VAMP8: variants seen among roughly 807,000 people sequenced by gnomAD.
The protein encoded by VAMP8 is vesicle associated membrane protein 8.
VAMP8 carries 9 observed loss-of-function variants against 11.4 expected under a neutral mutation model. That is an observed-to-expected ratio of 0.79 (90% CI 0.48 to 1.38). VAMP8 has a LOEUF of 1.38. Among genes scored for constraint, VAMP8 ranks in the 40% most tolerant of loss-of-function variants. VAMP8 has a pLI of 0.00. For synonymous variants in VAMP8, 42 were observed against 44.7 expected, an observed-to-expected ratio of 0.94 and a Z score of 0.24; for missense variants, 108 against 127.8, an observed-to-expected ratio of 0.85 and a Z score of 0.75.
intron 2 of VAMP8, among the ~76,000 whole-genome samples, chr2:85,580,310 G>A (rs151259319): frequency 2.0e-5 from 3 of 152,232 alleles, no homozygotes; most frequent in East Asian, 3.9e-4. Context: ...AAGAGTGGGT[G>A]GAGGAGGAGG....
In VAMP8 at chr2:85,581,589, AGAC is replaced by A; in HGVS notation, c.180_182del (p.Thr61del). On this transcript the variant is annotated inframe_deletion, in exon 3 of 3. Transcript: ENST00000263864. ...TTTCCCCAACAGTCTGAGCACTTCA[AGAC>A]GACATCGCAGAAGGTGGCTCGAAAA... The A allele has an allele frequency of 1.2e-6, 2 of 1,614,178 alleles. No individual in the cohort carries two copies. Among genetic ancestry groups the A allele is most frequent in the Non-Finnish European group, 1.7e-6 (2 of 1,180,036 alleles).
In VAMP8 at chr2:85,581,802, C is replaced by A. The variant is rs1672384058; in HGVS notation, c.*86C>A. ...CCAAGAGGGTCTCCTTTCCTGTCTT[C>A]CTCTACAGAGAATGCTGCTCGGTCC... is the stretch of plus-strand genomic sequence containing the variant. On this transcript the variant is annotated 3_prime_UTR_variant, in exon 3 of 3. Transcript: ENST00000263864. 14 of 1,560,564 alleles carry A rather than the reference C, an allele frequency of 9.0e-6. No homozygotes were observed. Among genetic ancestry groups the A allele is most frequent in the Non-Finnish European group, 1.0e-5 (12 of 1,144,270 alleles).
Position 85,579,102 on chromosome 2 carries a change from C to A in VAMP8, c.97C>A (p.Arg33=). The A allele has an allele frequency of 6.2e-7, 1 of 1,608,434 alleles. No homozygotes were observed. ...GAATATTATGACCCAGAATGTGGAG[C>A]GGATCCTGGCCCGGGGGGAAAACTT... The part of the protein sequence containing the change: ...VKNIMTQNVE[R]ILARGENLEH... Residue 33 remains arginine, a synonymous_variant, in exon 2 of 3, where the codon CGG becomes AGG. Transcript: ENST00000263864.
chr2:85,579,084 A>G lies in VAMP8; in HGVS notation c.79A>G (p.Met27Val). The G allele has an allele frequency of 6.2e-7, 1 of 1,608,344 alleles. No homozygotes were observed. The highest frequency in any genetic ancestry group is 1.3e-5 in the African/African-American group (1 of 74,882). ...TGAGGTGGAGGGAGTTAAGAATATTATGACCCAGAATGTGGAGCGGATCCT... is the reference window on the plus strand; with the variant it reads ...TGAGGTGGAGGGAGTTAAGAATATTGTGACCCAGAATGTGGAGCGGATCCT... ...QSEVEGVKNI[M>V]TQNVERILAR... Residue 27 changes from methionine to valine, a missense_variant, in exon 2 of 3, where the codon ATG becomes GTG. Coordinates refer to ENST00000263864, the MANE Select transcript of VAMP8 (RefSeq NM_003761.5).
At chr2:85,579,995 G>A (rs1391111093) in intron 2 of VAMP8, 7 of 1,404,084 alleles carry the variant, frequency 5.0e-6, no homozygotes, top group Non-Finnish European at 2.8e-6. Flanking sequence ...TCACTCTGTT[G>A]CCCAGGTTAG....
chr2:85,582,005 G>T lies in VAMP8; in HGVS notation c.*289G>T. ...GCTGGGAAACTGTTGGTGGCCAGTG[G>T]GTAATAAAGACCTTTCAGTATCCCT... On this transcript the variant is annotated 3_prime_UTR_variant, in exon 3 of 3. Coordinates refer to ENST00000263864, the MANE Select transcript of VAMP8 (RefSeq NM_003761.5). 2.5e-6 allele frequency: 1 copy of T among 399,612 alleles called. No individual in the cohort carries two copies. The highest frequency in any genetic ancestry group is 2.0e-5 in the African/African-American group (1 of 49,186). 24.8% of individuals were successfully genotyped at this position (399,612 alleles called of 1,614,324 possible).
chr2:85,579,260 T>G, intron 2 of VAMP8, 93 bp downstream of exon 2: 1 of 1,385,686 alleles, frequency 7.2e-7, no homozygotes, highest in Non-Finnish European at 9.6e-7. Flanking sequence ...GCCAGAAGTT[T>G]GACATTTCTG....
intron 2 of VAMP8, chr2:85,579,643 G>A (rs1573345753): frequency 1.4e-6 from 2 of 1,472,848 alleles, no homozygotes; most frequent in Admixed American, 4.9e-5. Flanking sequence ...AAGGGGGAAA[G>A]AGCAGTGAAA....
Position 85,581,868 on chromosome 2 carries a change from C to A in VAMP8, c.*152C>A. 2.0e-6 allele frequency: 2 copies of A among 1,016,958 alleles called. No homozygotes were observed. Among genetic ancestry groups the A allele is most frequent in the Non-Finnish European group, 2.9e-6 (2 of 693,138 alleles). The allele number at this position is 1,016,958 out of a possible 1,614,324, so 63.0% of individuals were successfully genotyped here. On this transcript the variant is annotated 3_prime_UTR_variant, in exon 3 of 3. Coordinates refer to ENST00000263864, the MANE Select transcript of VAMP8 (RefSeq NM_003761.5). ...CGAGGCCCTGCTGCCATGTTGTATG[C>A]CCCAGAAGGTACCTTGGTCCCCCGG... is the stretch of plus-strand genomic sequence containing the variant.
intron 2 of VAMP8, chr2:85,579,995 GC>G: frequency 7.1e-7 from 1 of 1,404,184 alleles, no homozygotes; most frequent in Non-Finnish European, 9.4e-7. Context: ...TCACTCTGTT[GC>G]CCAGGTTAGA....
At chr2:85,580,365 C>T (rs1344407776) in intron 2 of VAMP8, among the ~76,000 whole-genome samples, 1 of 152,150 alleles carries the variant, frequency 6.6e-6, no homozygotes, top group African/African-American at 2.4e-5. Flanking sequence ...GTCCCTCCTC[C>T]AGCCTCAGCA....
At position 85,579,675 on chromosome 2, in the gene VAMP8, T is replaced by A. The variant is rs148744161; in HGVS notation, c.162+508T>A. 1.8e-4 allele frequency: 280 copies of A among 1,524,806 alleles called. 1 individual carries two copies. In the African/African-American group the frequency reaches 3.5e-3, roughly 19 times the overall value. 94.5% of individuals were successfully genotyped at this position (1,524,806 alleles called of 1,614,324 possible). On this transcript the variant is annotated intron_variant, in intron 2 of 2. Coordinates refer to ENST00000263864, the MANE Select transcript of VAMP8 (RefSeq NM_003761.5). ...GAAATGCTTTGATCCCAGGGTCCCC[T>A]GCTAGATGAAGGCTAAAATAATATC...
rs1044305477 is a variant in VAMP8, at chr2:85,579,166, C to T, written c.161C>T (p.Thr54Ile). ...AACAAGACAGAGGATCTGGAAGCCACAGTGAGACAGGGAGCCCACTGGGGG... is the reference window on the plus strand; with the variant it reads ...AACAAGACAGAGGATCTGGAAGCCATAGTGAGACAGGGAGCCCACTGGGGG... ...LRNKTEDLEATSEHFKTTSQK... is the reference protein window; with the variant it reads ...LRNKTEDLEAISEHFKTTSQK... Residue 54 changes from threonine to isoleucine, a missense_variant and splice_region_variant, in exon 2 of 3, where the codon ACA becomes ATA. Physicochemically the swap from Thr to Ile is moderately conservative, Grantham distance 89. Coordinates refer to ENST00000263864, the MANE Select transcript of VAMP8 (RefSeq NM_003761.5). The T allele has an allele frequency of 5.0e-6, 8 of 1,587,706 alleles. No individual in the cohort carries two copies. The East Asian group carries it at 1.6e-4, about 32-fold the overall frequency.
chr2:85,579,748 G>A (rs1672338495), intron 2 of VAMP8: 2 of 1,550,614 alleles, frequency 1.3e-6, no homozygotes, highest in Non-Finnish European at 8.7e-7. Context: ...CCAGCCAGGG[G>A]CTGAGGCCAG....
At chr2:85,581,530 A>C (rs2104033978) in intron 2 of VAMP8, 46 bp from the exon 3 acceptor site, 1 of 1,609,876 alleles carries the variant, frequency 6.2e-7, no homozygotes, top group Admixed American at 1.7e-5. Context: ...ATCTTGTTCC[A>C]GTGGGAGGAG....
intron 2 of VAMP8, chr2:85,579,958 ATTTTTT>A: frequency 8.4e-7 from 1 of 1,189,620 alleles, no homozygotes; most frequent in Non-Finnish European, 1.1e-6. Context: ...GGCCCCGGGA[ATTTTTT>A]TTTTTTTTTT....
In VAMP8 at chr2:85,581,650, T is replaced by C; in HGVS notation, c.237T>C (p.Leu79=). 1 of 1,614,220 alleles carries C rather than the reference T, an allele frequency of 6.2e-7. No individual in the cohort carries two copies. The highest frequency in any genetic ancestry group is 8.5e-7 in the Non-Finnish European group (1 of 1,180,054). The part of the protein sequence containing the change: ...FWWKNVKMIV[L]ICVIVFIIIL... ...GGAAGAACGTGAAGATGATTGTCCTTATCTGCGTGATTGTTTTTATCATCA... is the reference window on the plus strand; with the variant it reads ...GGAAGAACGTGAAGATGATTGTCCTCATCTGCGTGATTGTTTTTATCATCA... Residue 79 remains leucine, a synonymous_variant, in exon 3 of 3, where the codon CTT becomes CTC. Transcript: ENST00000263864.
At chr2:85,579,296 G>T in intron 2 of VAMP8, 129 bp downstream of exon 2, 1 of 1,053,918 alleles carries the variant, frequency 9.5e-7, no homozygotes, top group African/African-American at 1.6e-5. Context: ...TTTGGGAGCT[G>T]ATGTGAGCTG....
chr2:85,579,738 C>T, intron 2 of VAMP8: 2 of 1,550,662 alleles, frequency 1.3e-6, no homozygotes, highest in Non-Finnish European at 1.7e-6. Context: ...TTCTCTCTCT[C>T]CAGCCAGGGG....
Sources: gnomAD v4.1 joint callset for allele counts (sites outside exome capture counted in the v4.1 genomes callset) on GRCh38, gnomAD v4.1.1 for gene constraint, MANE v1.5 for transcripts, NCBI Gene and HGNC (gene_info 2026-07-23, HGNC 2026-07-21) for gene names.